Variants in STXBP5 observed in about 807,000 individuals in gnomAD.
STXBP5 encodes syntaxin-binding protein 5.
In STXBP5, 50 loss-of-function variants were observed where a neutral mutation model predicts 152.4. That is an observed-to-expected ratio of 0.33 (90% confidence interval 0.26 to 0.42). The LOEUF (loss-of-function observed/expected upper bound fraction) is 0.42, where lower values mean the gene tolerates loss of function less well. Among genes scored for constraint, STXBP5 ranks in the 10% least tolerant of loss-of-function variants. The pLI is 1.00. For missense variants in STXBP5, 1,167 were observed against 1,388.6 expected (o/e 0.84, Z 2.54); for synonymous variants, 492 against 494.7 (o/e 0.99, Z 0.07).
At chr6:147,267,205 C>G in intron 7 of STXBP5, 38 bp downstream of exon 7, 1 of 1,521,420 alleles carries the variant, frequency 6.6e-7, no homozygotes, top group Non-Finnish European at 8.9e-7. Flanking sequence ...ATGGTCATTT[C>G]TCTCATATAA....
chr6:147,223,567 T>G (rs1169893560), intron 2 of STXBP5, among the ~76,000 whole-genome samples: 2 of 152,174 alleles, frequency 1.3e-5, no homozygotes, highest in Admixed American at 6.5e-5. Context: ...TAATGCTTAA[T>G]TATACTTATG....
At chr6:147,371,754 CA>C (rs1273607397) in intron 25 of STXBP5, among the ~76,000 whole-genome samples, 1 of 151,910 alleles carries the variant, frequency 6.6e-6, no homozygotes, top group African/African-American at 2.4e-5. Flanking sequence ...CATTAAACAC[CA>C]AATAAGAAAT....
At chr6:147,300,586 G>T (rs1341634619) in intron 9 of STXBP5, among the ~76,000 whole-genome samples, 1 of 151,954 alleles carries the variant, frequency 6.6e-6, no homozygotes, top group African/African-American at 2.4e-5. Context: ...AAATGCTGCT[G>T]GGAAAATAGG....
intron 23 of STXBP5, among the ~76,000 whole-genome samples, chr6:147,362,060 A>C (rs1785089296): frequency 6.6e-6 from 1 of 152,186 alleles, no homozygotes; most frequent in Non-Finnish European, 1.5e-5. Context: ...ACTTTAATAT[A>C]AGTGTGTCGC....
rs1786398134 is a variant in STXBP5, at chr6:147,387,520, A to G, written c.*2765A>G. 1 of 151,756 alleles carries G rather than the reference A, an allele frequency of 6.6e-6. No homozygotes were observed. The highest frequency in any genetic ancestry group is 6.6e-5 in the Admixed American group (1 of 15,212). 9.4% of individuals were successfully genotyped at this position (151,756 alleles called of 1,614,324 possible). A position where few individuals can be genotyped will look rare whatever the true frequency, so the allele number is the denominator to read the frequency against. On this transcript the variant is annotated 3_prime_UTR_variant, in exon 28 of 28. Coordinates refer to ENST00000321680, the MANE Select transcript of STXBP5 (RefSeq NM_001127715.4). ...AGTTTTCAAACTAAAATCCATATGT[A>G]TTTGCTGAGAAAGTTATTTGAAATC...
At chr6:147,320,369 C>T (rs1379298413) in intron 16 of STXBP5, among the ~76,000 whole-genome samples, 1 of 152,000 alleles carries the variant, frequency 6.6e-6, no homozygotes, top group Non-Finnish European at 1.5e-5. Context: ...CAGACTTGCT[C>T]CCAAATGAAC....
At chr6:147,213,477 T>TGTGTGTGTGTGTGTGTGTGTGTGTGTGC in intron 2 of STXBP5, among the ~76,000 whole-genome samples, 2 of 131,278 alleles carry the variant, frequency 1.5e-5, no homozygotes, top group African/African-American at 6.4e-5. Flanking sequence ...TGTGTGTGTG[T>TGTGTGTGTGTGTGTGTGTGTGTGTGTGC]GCGCGCGCAT....
At chr6:147,340,783 T>C (rs1322476549) in intron 21 of STXBP5, among the ~76,000 whole-genome samples, 1 of 152,136 alleles carries the variant, frequency 6.6e-6, no homozygotes, top group African/African-American at 2.4e-5. Context: ...TTAAATAGAA[T>C]ATGTAACATG....
At chr6:147,238,540 T>C (rs1455979191) in intron 3 of STXBP5, among the ~76,000 whole-genome samples, 3 of 152,194 alleles carry the variant, frequency 2.0e-5, no homozygotes, top group Non-Finnish European at 4.4e-5. Flanking sequence ...TCTGATTTGT[T>C]GGGTTTGGGT....
intron 2 of STXBP5, among the ~76,000 whole-genome samples, chr6:147,214,655 G>A (rs1459886846): frequency 2.0e-5 from 3 of 151,926 alleles, no homozygotes; most frequent in East Asian, 1.9e-4. Context: ...TTTGATTTCC[G>A]CATTGCCATT....
At position 147,316,352 on chromosome 6, in the gene STXBP5, C is replaced by G. The variant is rs1782645803; in HGVS notation, c.1747C>G (p.Pro583Ala). Residue 583 changes from proline (P) to alanine (A), a missense_variant, in exon 16 of 28, where the codon CCA becomes GCA. By Grantham distance (27) the Pro-to-Ala change is conservative (BLOSUM62 -1). Coordinates refer to ENST00000321680, the MANE Select transcript of STXBP5 (RefSeq NM_001127715.4). ...NPQPIPPQSH[P>A]STSSSSSDGL... Reference sequence around the variant, plus strand: ...TCAGCCCATCCCTCCTCAGTCTCATCCATCTACCAGTAGCAGTTCATCTGA... The same window carrying G: ...TCAGCCCATCCCTCCTCAGTCTCATGCATCTACCAGTAGCAGTTCATCTGA... The G allele has an allele frequency of 6.2e-7, 1 of 1,606,638 alleles. No homozygotes were observed.
At chr6:147,316,157 A>C in intron 15 of STXBP5, 72 bp from the exon 16 acceptor site, 1 of 1,385,584 alleles carries the variant, frequency 7.2e-7, no homozygotes, top group Non-Finnish European at 1.0e-6. Context: ...GTGTGTGTGT[A>C]TGTGTGTATA....
At chr6:147,277,126 A>G (rs893559406) in intron 7 of STXBP5, among the ~76,000 whole-genome samples, 3 of 152,124 alleles carry the variant, frequency 2.0e-5, no homozygotes, top group African/African-American at 7.2e-5. Context: ...ATTTAGAAGT[A>G]TAGCTGATTA....
At chr6:147,262,955 A>G (rs1172644448) in intron 6 of STXBP5, among the ~76,000 whole-genome samples, 2 of 151,954 alleles carry the variant, frequency 1.3e-5, no homozygotes, top group African/African-American at 4.8e-5. Context: ...AGTCTTTCAG[A>G]TAGTTCTATT....
intron 2 of STXBP5, among the ~76,000 whole-genome samples, chr6:147,214,811 C>CAAATCAGCA (rs1223915719): frequency 6.6e-6 from 1 of 152,110 alleles, no homozygotes; most frequent in Non-Finnish European, 1.5e-5. Flanking sequence ...CAAAGTAATG[C>CAAATCAGCA]AAATCAGCAA....
chr6:147,345,973 TAAC>T (rs1052963522), intron 21 of STXBP5, among the ~76,000 whole-genome samples: 108 of 152,240 alleles, frequency 7.1e-4, no homozygotes, highest in African/African-American at 2.3e-3. Context: ...TGACCCACCT[TAAC>T]AACCTGCCTA....
In STXBP5 at chr6:147,380,840, G is replaced by C. The variant is rs926689058; in HGVS notation, c.3194-1938G>C. On this transcript the variant is annotated intron_variant, in intron 26 of 27. Coordinates refer to ENST00000321680, the MANE Select transcript of STXBP5 (RefSeq NM_001127715.4). ...CTCAATAATAGAAGACAAATAGACT[G>C]ATTTTTAGGTGGATCTGTGTATTAG... Among the ~76,000 whole-genome samples, 3 of 152,110 alleles carry C rather than the reference G, an allele frequency of 2.0e-5. No homozygotes were observed. In the East Asian group the frequency reaches 5.8e-4, roughly 29 times the overall value.
At chr6:147,230,635 T>C (rs1777952487) in intron 2 of STXBP5, among the ~76,000 whole-genome samples, 1 of 151,668 alleles carries the variant, frequency 6.6e-6, no homozygotes, top group Admixed American at 6.6e-5. Flanking sequence ...CATTTACATG[T>C]GAAAATTGGC....
chr6:147,256,663 A>G (rs1227632860), intron 4 of STXBP5, among the ~76,000 whole-genome samples: 2 of 152,220 alleles, frequency 1.3e-5, no homozygotes, highest in Non-Finnish European at 2.9e-5. Flanking sequence ...GGATTTGACG[A>G]TCAATGATAA....
Sources: gnomAD v4.1 joint callset for allele counts (sites outside exome capture counted in the v4.1 genomes callset) on GRCh38, gnomAD v4.1.1 for gene constraint, MANE v1.5 for transcripts, NCBI Gene and HGNC (gene_info 2026-07-23, HGNC 2026-07-21) for gene names.